CENPP: variants seen among roughly 807,000 people sequenced by gnomAD.
CENPP encodes centromere protein P.
CENPP carries 24 observed loss-of-function variants against 35.6 expected under a neutral mutation model. The ratio of observed to expected loss-of-function variants is 0.67; its 90% CI spans 0.49 to 0.95. CENPP has a LOEUF of 0.95. CENPP is among the 40% of genes least tolerant of loss of function. CENPP has a pLI of 0.00. For missense variants in CENPP, 332 were observed against 345.3 expected (o/e 0.96, Z 0.31); for synonymous variants, 120 against 125.5 (o/e 0.96, Z 0.29).
At chr9:92,610,576 C>G (rs1407788870) in intron 5 of CENPP, 1 of 152,284 alleles carries the variant, frequency 6.6e-6, no homozygotes, top group Non-Finnish European at 1.5e-5. Flanking sequence ...AAACCAGACT[C>G]TCCCAGAACC....
chr9:92,599,192 A>G (rs1398277652), intron 5 of CENPP, among the ~76,000 whole-genome samples: 1 of 152,094 alleles, frequency 6.6e-6, no homozygotes, highest in Non-Finnish European at 1.5e-5. Flanking sequence ...GGGTTTGAAA[A>G]CCATTTTACT....
rs1300699683 is a variant in CENPP at position 92,460,535 on chromosome 9, C to T, written c.564+80676C>T. On this transcript the variant is annotated intron_variant, in intron 5 of 7. Transcript: ENST00000375587. ...TCCACTGTTGAAATTTTATTATAATCTAAGTGAAGCTCCAATAAAGTTGGT... is the reference window on the plus strand; with the variant it reads ...TCCACTGTTGAAATTTTATTATAATTTAAGTGAAGCTCCAATAAAGTTGGT... 2.5e-6 allele frequency: 4 copies of T among 1,599,114 alleles called. No homozygotes were observed. The African/African-American group carries it at 4.0e-5, about 16-fold the overall frequency.
Position 92,619,859 on chromosome 9 carries a change from C to A in CENPP, c.*6710C>A. On this transcript the variant is annotated 3_prime_UTR_variant, in exon 8 of 8. Coordinates refer to ENST00000375587, the MANE Select transcript of CENPP (RefSeq NM_001012267.3). ...CCTGAGACGGATGATCTGTCTTCAG[C>A]AAGGTCACCACAGTCGGCCTTTGGA... The A allele has an allele frequency of 2.3e-6, 1 of 444,038 alleles. No individual in the cohort carries two copies. The highest frequency in any genetic ancestry group is 4.2e-6 in the Non-Finnish European group (1 of 238,836). The allele number at this position is 444,038 out of a possible 1,614,324, so 27.5% of individuals were successfully genotyped here.
In CENPP at chr9:92,395,962, T is replaced by C. The variant is rs550439529; in HGVS notation, c.564+16103T>C. The stretch of plus-strand genomic sequence containing the variant: ...TGCCGACCACCAAGATTTGACACTT[T>C]GTTTTCTTCTAGAAGTTGTATAGTT... On this transcript the variant is annotated intron_variant, in intron 5 of 7. Coordinates refer to ENST00000375587, the MANE Select transcript of CENPP (RefSeq NM_001012267.3). 1.4e-4 allele frequency among the ~76,000 whole-genome samples: 21 copies of C among 152,308 alleles called. 1 individual carries two copies. In the South Asian group the frequency reaches 4.4e-3, roughly 32 times the overall value.
At chr9:92,426,723 A>G (rs1843977519) in intron 5 of CENPP, among the ~76,000 whole-genome samples, 1 of 152,202 alleles carries the variant, frequency 6.6e-6, no homozygotes, top group Admixed American at 6.5e-5. Flanking sequence ...TTACAAATAA[A>G]TAAGCGAGGT....
At chr9:92,557,235 G>A (rs1849745790) in intron 5 of CENPP, among the ~76,000 whole-genome samples, 1 of 152,172 alleles carries the variant, frequency 6.6e-6, no homozygotes, top group South Asian at 2.1e-4. Context: ...TGGTGCTTCT[G>A]TCTCACAGCT....
At position 92,620,407 on chromosome 9, in the gene CENPP, C is replaced by T. The variant is rs1851593182; in HGVS notation, c.*7258C>T. ...GGCACCACAATGCTCACAACTGTCT[C>T]CTCTACAGAGCAGAATGTGAGGCAC... is the stretch of plus-strand genomic sequence containing the variant. On this transcript the variant is annotated 3_prime_UTR_variant, in exon 8 of 8. Coordinates refer to ENST00000375587, the MANE Select transcript of CENPP (RefSeq NM_001012267.3). The T allele has an allele frequency of 6.6e-6, 1 of 152,208 alleles. No individual in the cohort carries two copies. Among genetic ancestry groups the T allele is most frequent in the Non-Finnish European group, 1.5e-5 (1 of 68,056 alleles). The allele number at this position is 152,208 out of a possible 1,614,324, so 9.4% of individuals were successfully genotyped here.
At chr9:92,379,741 A>C in intron 4 of CENPP, 22 bp from the exon 5 acceptor site, 1 of 1,500,012 alleles carries the variant, frequency 6.7e-7, no homozygotes, top group Non-Finnish European at 9.3e-7. Context: ...TTTATTAATC[A>C]GAGAATCATT....
intron 5 of CENPP, among the ~76,000 whole-genome samples, chr9:92,547,984 A>C (rs1389818392): frequency 6.6e-6 from 1 of 152,206 alleles, no homozygotes; most frequent in Non-Finnish European, 1.5e-5. Flanking sequence ...AAAGGAAGGA[A>C]AAACTGTTAC....
chr9:92,605,892 T>C (rs1851066323), intron 5 of CENPP, among the ~76,000 whole-genome samples: 1 of 152,242 alleles, frequency 6.6e-6, no homozygotes, highest in Non-Finnish European at 1.5e-5. Context: ...TTTGATCATA[T>C]ATTGGGTAAG....
intron 5 of CENPP, among the ~76,000 whole-genome samples, chr9:92,467,976 A>G (rs1471526408): frequency 2.0e-5 from 3 of 152,218 alleles, no homozygotes; most frequent in South Asian, 2.1e-4. Flanking sequence ...TGGATCATCA[A>G]GATGGTTTGT....
rs1041484944 is a variant in CENPP, at chr9:92,331,347, A to AT, written c.108-817dup. 1.7e-3 allele frequency among the ~76,000 whole-genome samples: 265 copies of AT among 151,888 alleles called. 2 individuals carry two copies. The highest frequency in any genetic ancestry group is 3.2e-4 in the Non-Finnish European group (22 of 67,956). The stretch of plus-strand genomic sequence containing the variant: ...AGGCGCCTGCCACCACGCCTGGCAA[A>AT]TTTTTTGTATATTTAGTAGACATGG... On this transcript the variant is annotated intron_variant, in intron 1 of 7. Coordinates refer to ENST00000375587, the MANE Select transcript of CENPP (RefSeq NM_001012267.3).
At chr9:92,482,644 G>A (rs1845950646) in intron 5 of CENPP, 1 of 152,152 alleles carries the variant, frequency 6.6e-6, no homozygotes, top group Non-Finnish European at 1.5e-5. Flanking sequence ...AATAATGCAT[G>A]GCAACTGGCC....
intron 4 of CENPP, among the ~76,000 whole-genome samples, chr9:92,368,303 C>G (rs944668252): frequency 6.6e-6 from 1 of 151,974 alleles, no homozygotes; most frequent in African/African-American, 2.4e-5. Flanking sequence ...ACACTGTCCC[C>G]AAGATATCTC....
At chr9:92,608,456 G>A (rs765260622) in intron 5 of CENPP, among the ~76,000 whole-genome samples, 1 of 152,016 alleles carries the variant, frequency 6.6e-6, no homozygotes, top group African/African-American at 2.4e-5. Flanking sequence ...TTTTATCCAC[G>A]TCAAATACAG....
intron 5 of CENPP, chr9:92,403,314 C>A: frequency 3.1e-6 from 5 of 1,612,756 alleles, no homozygotes; most frequent in Non-Finnish European, 4.2e-6. Flanking sequence ...GTTCCATAAT[C>A]ATAGATAATG....
At chr9:92,415,950 T>G (rs2130956676) in intron 5 of CENPP, among the ~76,000 whole-genome samples, 1 of 145,144 alleles carries the variant, frequency 6.9e-6, no homozygotes, top group Non-Finnish European at 1.5e-5. Context: ...AAACTCAGAA[T>G]ACGCTCTGTA....
At chr9:92,557,099 C>G (rs991085325) in intron 5 of CENPP, among the ~76,000 whole-genome samples, 3 of 152,168 alleles carry the variant, frequency 2.0e-5, no homozygotes, top group African/African-American at 7.2e-5. Flanking sequence ...CTGAGTTTCG[C>G]TGAATACAAA....
chr9:92,393,063 TATC>T (rs1564295085), intron 5 of CENPP: 2 of 1,597,414 alleles, frequency 1.3e-6, no homozygotes, highest in Non-Finnish European at 1.7e-6. Flanking sequence ...TTAATACTAA[TATC>T]ATATTTCAGC....
Sources: allele counts gnomAD v4.1 joint callset (sites outside exome capture counted in the v4.1 genomes callset), GRCh38; gene constraint gnomAD v4.1.1; transcripts MANE v1.5; gene names NCBI Gene and HGNC (gene_info 2026-07-23, HGNC 2026-07-21).